The following SLC38A4 variants were observed in gnomAD, a reference collection of about 807,000 sequenced individuals.
The protein encoded by SLC38A4 is sodium-coupled neutral amino acid transporter 4.
In SLC38A4, 20 loss-of-function variants were observed where a neutral mutation model predicts 63.1. The ratio of observed to expected loss-of-function variants is 0.32; its 90% CI spans 0.22 to 0.46. The LOEUF (loss-of-function observed/expected upper bound fraction) is 0.46, where lower values mean the gene tolerates loss of function less well. Among genes scored for constraint, SLC38A4 ranks in the 20% least tolerant of loss-of-function variants. The pLI, the probability that SLC38A4 is intolerant of heterozygous loss-of-function variation, is 1.00. For missense variants in SLC38A4, 526 were observed against 663.6 expected, an observed-to-expected ratio of 0.79 and a Z score of 2.28; for synonymous variants, 230 against 225.5, an observed-to-expected ratio of 1.02 and a Z score of -0.18.
intron 1 of SLC38A4, among the ~76,000 whole-genome samples, chr12:46,817,446 G>A (rs1013400910): frequency 1.3e-5 from 2 of 151,732 alleles, no homozygotes; most frequent in Non-Finnish European, 2.9e-5. Flanking sequence ...GACCTACTAG[G>A]TCTAGATGAG....
chr12:46,813,118 T>C (rs886349560), intron 1 of SLC38A4, among the ~76,000 whole-genome samples: 4 of 152,004 alleles, frequency 2.6e-5, no homozygotes, highest in African/African-American at 9.7e-5. Context: ...ACATTGGCCC[T>C]GTTTTATTCT....
chr12:46,822,817 C>T (rs1049283180), intron 1 of SLC38A4, among the ~76,000 whole-genome samples: 4 of 151,984 alleles, frequency 2.6e-5, no homozygotes, highest in Non-Finnish European at 5.9e-5. Flanking sequence ...ATCTTGACTA[C>T]CAGATTAAGA....
At chr12:46,793,389 G>A (rs1458455937) in intron 2 of SLC38A4, among the ~76,000 whole-genome samples, 1 of 152,046 alleles carries the variant, frequency 6.6e-6, no homozygotes, top group African/African-American at 2.4e-5. Context: ...ACTAATAATT[G>A]CTAAATTAGC....
intron 1 of SLC38A4, among the ~76,000 whole-genome samples, chr12:46,812,025 C>T (rs1376709709): frequency 6.6e-6 from 1 of 151,952 alleles, no homozygotes; most frequent in Non-Finnish European, 1.5e-5. Flanking sequence ...TTAAAATCCA[C>T]CTAAGTGAAG....
At chr12:46,803,574 T>C (rs956967971) in intron 2 of SLC38A4, 29 bp downstream of exon 2, 8 of 152,070 alleles carry the variant, frequency 5.3e-5, no homozygotes, top group African/African-American at 1.9e-4. Context: ...ATTTTAACAC[T>C]GCAAATATTC....
At chr12:46,787,876 T>C (rs1264000418) in intron 5 of SLC38A4, 40 bp downstream of exon 5, 4 of 1,458,028 alleles carry the variant, frequency 2.7e-6, no homozygotes, top group South Asian at 1.2e-5. Context: ...CAGGTATGCA[T>C]GGACTTCATC....
intron 1 of SLC38A4, among the ~76,000 whole-genome samples, chr12:46,811,351 TGGA>T: frequency 6.6e-6 from 1 of 152,004 alleles, no homozygotes; most frequent in African/African-American, 2.4e-5. Flanking sequence ...GAGAAGCTAC[TGGA>T]GGAAGTAACA....
At chr12:46,783,194 A>C (rs1461546672) in intron 7 of SLC38A4, among the ~76,000 whole-genome samples, 1 of 151,362 alleles carries the variant, frequency 6.6e-6, no homozygotes, top group Non-Finnish European at 1.5e-5. Flanking sequence ...GACACAGGAC[A>C]TGTAGGGTAT....
rs34878223 is a variant in SLC38A4, at chr12:46,825,313, T to TTATATATATATATATATATA, written c.-305+589_-305+590insTATATATATATATATATATA. On this transcript the variant is annotated intron_variant, in intron 1 of 16. Transcript: ENST00000266579. ...TTATAATTACTTTAATATACAAAGT[T>TTATATATATATATATATATA]TATATATATATATATATTCCTTACA... Among the ~76,000 whole-genome samples the TTATATATATATATATATATA allele has an allele frequency of 2.2e-3, 312 of 140,474 alleles. 1 individual carries two copies. The highest frequency in any genetic ancestry group is 6.7e-3 in the African/African-American group (258 of 38,500). The allele number at this position is 140,474 out of a possible 152,430, so 92.2% of individuals were successfully genotyped here. A position where few individuals can be genotyped will look rare whatever the true frequency, so the allele number is the denominator to read the frequency against.
At chr12:46,817,516 C>T (rs557439902) in intron 1 of SLC38A4, among the ~76,000 whole-genome samples, 15 of 151,828 alleles carry the variant, frequency 9.9e-5, no homozygotes, top group African/African-American at 3.4e-4. Context: ...ACCTGGTGCA[C>T]GAAAACGATA....
intron 2 of SLC38A4, among the ~76,000 whole-genome samples, chr12:46,797,301 C>T (rs1174251685): frequency 6.6e-6 from 1 of 151,984 alleles, no homozygotes; most frequent in Non-Finnish European, 1.5e-5. Context: ...TAAAAAAGGT[C>T]CACTCTCACC....
At chr12:46,828,338 T>G (rs1275030059), upstream of SLC38A4, among the ~76,000 whole-genome samples, 1 of 152,182 alleles carries the variant, frequency 6.6e-6, no homozygotes, top group Non-Finnish European at 1.5e-5. Flanking sequence ...GGTTGTTTGT[T>G]TGAGATGGAG....
At chr12:46,810,456 G>T (rs952693564) in intron 1 of SLC38A4, among the ~76,000 whole-genome samples, 4 of 150,936 alleles carry the variant, frequency 2.7e-5, no homozygotes, top group Admixed American at 2.0e-4. Flanking sequence ...CAGGTTGATG[G>T]GTGCAGCAAA....
intron 10 of SLC38A4, 110 bp from the exon 11 acceptor site, chr12:46,778,886 G>C (rs920572503): frequency 8.3e-6 from 8 of 961,588 alleles, no homozygotes; most frequent in Non-Finnish European, 1.2e-5. Context: ...AACTCAGTTA[G>C]GGATTCCTTT....
intron 10 of SLC38A4, among the ~76,000 whole-genome samples, chr12:46,779,385 A>G (rs74393605): frequency 0.011 from 1,696 of 151,960 alleles, 29 homozygotes; most frequent in African/African-American, 0.038. Context: ...ATATATAACC[A>G]GTGTGCCTAG....
At chr12:46,784,988 A>G in intron 6 of SLC38A4, 116 bp downstream of exon 6, 1 of 945,368 alleles carries the variant, frequency 1.1e-6, no homozygotes, top group Non-Finnish European at 1.7e-6. Context: ...CACTGGGCTC[A>G]GAAGAAAATG....
intron 1 of SLC38A4, among the ~76,000 whole-genome samples, chr12:46,817,438 C>A (rs1433380780): frequency 6.6e-6 from 1 of 151,818 alleles, no homozygotes; most frequent in Non-Finnish European, 1.5e-5. Context: ...CTTTAATTGA[C>A]CTACTAGGTC....
intron 7 of SLC38A4, among the ~76,000 whole-genome samples, chr12:46,781,914 C>T (rs1938650436): frequency 6.6e-6 from 1 of 151,806 alleles, no homozygotes; most frequent in African/African-American, 2.4e-5. Flanking sequence ...ATGAAATGCT[C>T]GATACTTTAA....
chr12:46,788,991 A>G (rs1056637957), intron 3 of SLC38A4, among the ~76,000 whole-genome samples: 3 of 152,184 alleles, frequency 2.0e-5, no homozygotes, highest in African/African-American at 7.2e-5. Flanking sequence ...CTACTACCAT[A>G]CCATAATCAG....
Sources: gnomAD v4.1 joint callset for allele counts (sites outside exome capture counted in the v4.1 genomes callset) on GRCh38, gnomAD v4.1.1 for gene constraint, MANE v1.5 for transcripts, NCBI Gene and HGNC (gene_info 2026-07-23, HGNC 2026-07-21) for gene names.